Variants in NSFL1C observed in about 807,000 individuals in gnomAD.
NSFL1C encodes the protein NSFL1 cofactor, also known as NSFL1 cofactor p47.
A neutral mutation model predicts 43.1 loss-of-function variants in NSFL1C; 14 were observed. That is an observed-to-expected ratio of 0.32 (90% CI 0.21 to 0.51). The LOEUF (loss-of-function observed/expected upper bound fraction) is 0.51, where lower values mean the gene tolerates loss of function less well. NSFL1C is among the 20% of genes least tolerant of loss of function. The probability of loss-of-function intolerance (pLI) is 0.98; values close to 1 mark genes in which losing one functional copy is unlikely to be tolerated. For synonymous variants in NSFL1C, 171 were observed against 183.5 expected, an observed-to-expected ratio of 0.93 and a Z score of 0.55; for missense variants, 406 against 472.5, an observed-to-expected ratio of 0.86 and a Z score of 1.30.
At position 1,443,538 on chromosome 20, in the gene NSFL1C, T is replaced by C. The variant is rs1384708644; in HGVS notation, c.*211A>G. 9 of 442,066 alleles carry C rather than the reference T, an allele frequency of 2.0e-5. No individual in the cohort carries two copies. The highest frequency in any genetic ancestry group is 5.8e-5 in the African/African-American group (3 of 51,396). 27.4% of individuals were successfully genotyped at this position (442,066 alleles called of 1,614,324 possible). ...TTTTTGGTTGTTTTTATTTTTTTTT[T>C]CATTAAAGTCCATTGATCATCACAA... On this transcript the variant is annotated 3_prime_UTR_variant, in exon 9 of 9. Transcript: ENST00000216879.
At chr20:1,454,327 A>G (rs777538980) in intron 4 of NSFL1C, 22 bp from the exon 5 acceptor site, 1 of 1,554,238 alleles carries the variant, frequency 6.4e-7, no homozygotes, top group Non-Finnish European at 8.9e-7. Context: ...AAGTTCATAC[A>G]CATTTAAGGG....
intron 2 of NSFL1C, among the ~76,000 whole-genome samples, chr20:1,462,665 G>T (rs2122957787): frequency 6.6e-6 from 1 of 152,094 alleles, no homozygotes; most frequent in Non-Finnish European, 1.5e-5. Context: ...GGGATGACAG[G>T]CTCCTGCCAC....
intron 3 of NSFL1C, 173 bp downstream of exon 3, chr20:1,458,027 C>A: frequency 1.8e-6 from 1 of 563,682 alleles, no homozygotes; most frequent in Admixed American, 3.1e-5. Flanking sequence ...GGGGTCACTT[C>A]TAAGCTACAA....
At chr20:1,460,725 A>G (rs1358356539) in intron 2 of NSFL1C, among the ~76,000 whole-genome samples, 1 of 152,262 alleles carries the variant, frequency 6.6e-6, no homozygotes, top group Non-Finnish European at 1.5e-5. Flanking sequence ...GCTATTAAGC[A>G]TCTGAAATGT....
chr20:1,451,257 A>C (rs2090175254), intron 7 of NSFL1C, among the ~76,000 whole-genome samples: 1 of 152,224 alleles, frequency 6.6e-6, no homozygotes, highest in South Asian at 2.1e-4. Flanking sequence ...TAATACCCTG[A>C]ACTCTGACCC....
At chr20:1,466,190 C>A (rs114639658) in intron 1 of NSFL1C, among the ~76,000 whole-genome samples, 5,163 of 152,258 alleles carry the variant, frequency 0.034, 111 homozygotes, top group Middle Eastern at 0.071. Flanking sequence ...GCAATTTCCA[C>A]GAGACTCCCA....
intron 1 of NSFL1C, 132 bp from the exon 2 acceptor site, chr20:1,464,558 T>G: frequency 1.5e-6 from 1 of 660,556 alleles, no homozygotes; most frequent in Non-Finnish European, 2.6e-6. Flanking sequence ...CAAAGAAAAT[T>G]AGACCAGAAG....
intron 7 of NSFL1C, among the ~76,000 whole-genome samples, chr20:1,447,998 C>T (rs1209911858): frequency 6.6e-6 from 1 of 152,180 alleles, no homozygotes; most frequent in African/African-American, 2.4e-5. Context: ...TCCCACCAGC[C>T]AGGATTTTGT....
At chr20:1,460,846 G>C (rs79373467) in intron 2 of NSFL1C, among the ~76,000 whole-genome samples, 5 of 152,214 alleles carry the variant, frequency 3.3e-5, no homozygotes, top group Admixed American at 6.5e-5. Context: ...GTAGTTCCCG[G>C]AAGTTTAAAG....
At chr20:1,449,550 T>C (rs1377436494) in intron 7 of NSFL1C, among the ~76,000 whole-genome samples, 2 of 152,228 alleles carry the variant, frequency 1.3e-5, no homozygotes, top group Non-Finnish European at 2.9e-5. Flanking sequence ...CAGCTCTTCC[T>C]GAGAACTGCC....
At chr20:1,447,324 C>G (rs1017015816) in intron 7 of NSFL1C, among the ~76,000 whole-genome samples, 8 of 152,110 alleles carry the variant, frequency 5.3e-5, no homozygotes, top group African/African-American at 1.9e-4. Flanking sequence ...AGCTCTGCAC[C>G]AAGCTTGTCC....
At chr20:1,457,524 T>TA (rs1358560971) in intron 3 of NSFL1C, among the ~76,000 whole-genome samples, 1 of 152,202 alleles carries the variant, frequency 6.6e-6, no homozygotes, top group African/African-American at 2.4e-5. Flanking sequence ...GCAAGAGATC[T>TA]AAAAAAGAAA....
chr20:1,460,507 C>T (rs1336080485), intron 2 of NSFL1C, among the ~76,000 whole-genome samples: 1 of 152,204 alleles, frequency 6.6e-6, no homozygotes, highest in South Asian at 2.1e-4. Context: ...GTCCTATGGT[C>T]TCTACAAATT....
intron 3 of NSFL1C, chr20:1,456,289 C>T (rs560021433): frequency 4.6e-4 from 70 of 153,154 alleles, no homozygotes; most frequent in Non-Finnish European, 8.4e-4. Flanking sequence ...GGGAGGAGAA[C>T]GAGAAAGACA....
Position 1,452,532 on chromosome 20 carries a change from G to T in NSFL1C, c.746C>A (p.Ala249Asp). ...RDEDFVKPKG[A>D]FKAFTGEGQK... ...ACCCTCGCCAGTGAAGGCTTTGAAGGCTCCTTTGGGCTTCACAAAGTCCTC... is the reference window on the plus strand; with the variant it reads ...ACCCTCGCCAGTGAAGGCTTTGAAGTCTCCTTTGGGCTTCACAAAGTCCTC... Residue 249 changes from alanine (A) to aspartate (D), a missense_variant, in exon 7 of 9, where the codon GCC becomes GAC. Physicochemically the swap from Ala to Asp is moderately radical, Grantham distance 126 (BLOSUM62 -2). This residue lies in a region of NSFL1C where 196 missense variants were observed against 228.0 expected (regional missense o/e 0.86). Coordinates refer to ENST00000216879, the MANE Select transcript of NSFL1C (RefSeq NM_016143.5). The T allele has an allele frequency of 6.2e-7, 1 of 1,614,182 alleles. No homozygotes were observed. The highest frequency in any genetic ancestry group is 1.7e-5 in the Admixed American group (1 of 60,022).
chr20:1,460,415 C>A (rs1299735387), intron 2 of NSFL1C, among the ~76,000 whole-genome samples: 2 of 152,238 alleles, frequency 1.3e-5, no homozygotes, highest in African/African-American at 4.8e-5. Context: ...TATTCAAGTT[C>A]AGAACCACTG....
In NSFL1C at chr20:1,458,232, T is replaced by G; in HGVS notation, c.246A>C (p.Gln82His). ...CTTCCTCTTCCTCCTCATCTTCATC[T>G]TGGTCATGAATGAGGTCTCTGAAGG... is the stretch of plus-strand genomic sequence containing the variant. ...VTSFRDLIHD[Q>H]DEDEEEEEGQ... is the part of the protein sequence containing the mutation. The change falls in exon 3 of 9, where the codon CAA becomes CAC. Residue 82 changes from glutamine (Q) to histidine (H), a missense_variant. By Grantham distance (24) the Gln-to-His change is conservative. Transcript: ENST00000216879. 1 of 1,613,864 alleles carries G rather than the reference T, an allele frequency of 6.2e-7. No homozygotes were observed. The highest frequency in any genetic ancestry group is 8.5e-7 in the Non-Finnish European group (1 of 1,179,790).
chr20:1,459,645 A>G (rs550712104), intron 2 of NSFL1C, among the ~76,000 whole-genome samples: 1 of 152,342 alleles, frequency 6.6e-6, no homozygotes, highest in African/African-American at 2.4e-5. Flanking sequence ...ATCAACTAGA[A>G]GTGAGAAGAC....
intron 7 of NSFL1C, 139 bp downstream of exon 7, chr20:1,452,354 T>C: frequency 2.6e-6 from 3 of 1,164,094 alleles, no homozygotes; most frequent in Non-Finnish European, 3.6e-6. Flanking sequence ...TTCTCCACAC[T>C]CTTCCTCCCA....
Sources: allele counts gnomAD v4.1 joint callset (sites outside exome capture counted in the v4.1 genomes callset), GRCh38; gene constraint gnomAD v4.1.1; regional missense constraint gnomAD v4.1.1; transcripts MANE v1.5; gene names NCBI Gene and HGNC (gene_info 2026-07-23, HGNC 2026-07-21).